The following CLASP1 variants were observed in gnomAD, a reference collection of about 807,000 sequenced individuals.
The protein encoded by CLASP1 is cytoplasmic linker associated protein 1.
In CLASP1, 38 loss-of-function variants were observed where a neutral mutation model predicts 192.3. The observed-to-expected ratio is 0.20, with a 90% CI of 0.15 to 0.26. CLASP1 has a LOEUF of 0.26. Ranked by LOEUF, CLASP1 falls within the 10% of genes least tolerant of loss-of-function variation. The probability of loss-of-function intolerance (pLI) is 1.00; values close to 1 mark genes in which losing one functional copy is unlikely to be tolerated. For missense variants in CLASP1, 1,433 were observed against 1,932.5 expected, an observed-to-expected ratio of 0.74 and a Z score of 4.85; for synonymous variants, 691 against 712.8, an observed-to-expected ratio of 0.97 and a Z score of 0.49.
chr2:121,478,256 G>A (rs968634548), intron 8 of CLASP1, among the ~76,000 whole-genome samples: 1 of 152,006 alleles, frequency 6.6e-6, no homozygotes, highest in African/African-American at 2.4e-5. Context: ...ACGCTTTCAT[G>A]CTAAAAACAC....
chr2:121,458,881 T>C, exon 13 of CLASP1: 1 of 1,612,340 alleles, frequency 6.2e-7, no homozygotes. Context: ...GATGTGGCCA[T>C]AATTTTGGCA....
At chr2:121,492,282 G>A (rs955178811) in intron 8 of CLASP1, among the ~76,000 whole-genome samples, 1 of 151,258 alleles carries the variant, frequency 6.6e-6, no homozygotes, top group Admixed American at 6.6e-5. Context: ...CCAGCTACCC[G>A]GGAGGCTGAG....
At chr2:121,593,391 G>C (rs56165047) in intron 2 of CLASP1, among the ~76,000 whole-genome samples, 1 of 151,872 alleles carries the variant, frequency 6.6e-6, no homozygotes, top group African/African-American at 2.4e-5. Flanking sequence ...AGGCCCAGGC[G>C]GGTGGATCAC....
At chr2:121,467,674 T>C (rs868375835) in intron 9 of CLASP1, among the ~76,000 whole-genome samples, 1 of 152,306 alleles carries the variant, frequency 6.6e-6, no homozygotes, top group Middle Eastern at 3.4e-3. Flanking sequence ...ATTTAAGTTC[T>C]TTGCAGATTC....
At chr2:121,365,588 ATGCC>A (rs2067248717) in intron 35 of CLASP1, among the ~76,000 whole-genome samples, 1 of 152,182 alleles carries the variant, frequency 6.6e-6, no homozygotes, top group Non-Finnish European at 1.5e-5. Flanking sequence ...AAGAGAAGAA[ATGCC>A]TGTATCCGCC....
intron 34 of CLASP1, among the ~76,000 whole-genome samples, chr2:121,368,596 C>T (rs952605237): frequency 3.3e-5 from 5 of 152,098 alleles, no homozygotes; most frequent in Non-Finnish European, 7.3e-5. Flanking sequence ...CTGGTCTAGC[C>T]CCTTTGTAGG....
intron 2 of CLASP1, among the ~76,000 whole-genome samples, chr2:121,581,681 T>C (rs1048483740): frequency 2.0e-5 from 3 of 152,154 alleles, no homozygotes; most frequent in Admixed American, 1.3e-4. Context: ...GCCGAGGAGT[T>C]TGAGACCAGC....
chr2:121,459,005 G>A (rs1456819307), intron 12 of CLASP1, 30 bp from the exon 13 acceptor site: 12 of 1,542,856 alleles, frequency 7.8e-6, no homozygotes, highest in Non-Finnish European at 1.0e-5. Flanking sequence ...CTGGACTATA[G>A]TTATTTTTCT....
chr2:121,625,461 G>A (rs893406204), intron 1 of CLASP1, among the ~76,000 whole-genome samples: 1 of 126,044 alleles, frequency 7.9e-6, no homozygotes, highest in Non-Finnish European at 1.6e-5. Flanking sequence ...TTGAGACGGA[G>A]TCTCGCTCTG....
chr2:121,638,931 A>T (rs1013131775), intron 1 of CLASP1, among the ~76,000 whole-genome samples: 7 of 152,094 alleles, frequency 4.6e-5, no homozygotes, highest in African/African-American at 1.7e-4. Context: ...GGCCTCCCCA[A>T]ATGCTGGGAT....
At chr2:121,448,899 A>G (rs2084891301) in intron 17 of CLASP1, 54 bp downstream of exon 17, 2 of 1,561,938 alleles carry the variant, frequency 1.3e-6, no homozygotes, top group East Asian at 4.5e-5. Flanking sequence ...TTCATGTGAC[A>G]AACTTTTAAA....
intron 8 of CLASP1, among the ~76,000 whole-genome samples, chr2:121,499,291 CATT>C (rs1409487237): frequency 6.6e-6 from 1 of 152,074 alleles, no homozygotes; most frequent in Non-Finnish European, 1.5e-5. Flanking sequence ...ACCTTGAAAA[CATT>C]ATGCTAAGTG....
At chr2:121,357,590 G>A (rs887025334) in intron 37 of CLASP1, among the ~76,000 whole-genome samples, 9 of 152,120 alleles carry the variant, frequency 5.9e-5, no homozygotes, top group Non-Finnish European at 1.0e-4. Flanking sequence ...GAACTAAAGG[G>A]CAGGTGTCAC....
At chr2:121,397,002 A>C in intron 30 of CLASP1, 138 bp downstream of exon 31, 2 of 749,826 alleles carry the variant, frequency 2.7e-6, no homozygotes, top group Non-Finnish European at 4.4e-6. Context: ...GCAGAGCTGG[A>C]GAGAGAAAAG....
rs114271655 is a variant in CLASP1 at position 121,525,136 on chromosome 2, T to C, written c.546+709A>G. Among the ~76,000 whole-genome samples, 750 of 152,330 alleles carry C rather than the reference T, an allele frequency of 4.9e-3. 9 individuals are homozygous for C. The highest frequency in any genetic ancestry group is 0.017 in the African/African-American group (727 of 41,584). ...TTCTGTCCCTTCTTCTAATGAAGTA[T>C]CATTCTTATCAGTTTGTATGAGATG... On this transcript the variant is annotated intron_variant, in intron 6 of 39. Coordinates refer to ENST00000263710, the Ensembl canonical transcript of CLASP1.
chr2:121,577,588 T>C (rs2060649030), intron 2 of CLASP1, among the ~76,000 whole-genome samples: 1 of 152,164 alleles, frequency 6.6e-6, no homozygotes, highest in Admixed American at 6.5e-5. Flanking sequence ...GGCAAGTTAT[T>C]TTCCTCACTG....
intron 1 of CLASP1, among the ~76,000 whole-genome samples, chr2:121,619,175 TCAC>T (rs766131189): frequency 1.3e-5 from 2 of 152,102 alleles, no homozygotes; most frequent in African/African-American, 2.4e-5. Flanking sequence ...AGGTTCAAGC[TCAC>T]CACATTACAT....
chr2:121,617,564 C>G (rs13008700), intron 1 of CLASP1, among the ~76,000 whole-genome samples: 2,558 of 152,316 alleles, frequency 0.017, 24 homozygotes, highest in Non-Finnish European at 0.027. Flanking sequence ...CCAGTGACAG[C>G]CATGTTGGCA....
chr2:121,601,272 ATTTT>A (rs1049615967), intron 2 of CLASP1, among the ~76,000 whole-genome samples: 1 of 138,414 alleles, frequency 7.2e-6, no homozygotes, highest in African/African-American at 2.7e-5. Flanking sequence ...AGCGTTCAGC[ATTTT>A]TTTTTTTTTT....
Sources: gnomAD v4.1 joint callset for allele counts (sites outside exome capture counted in the v4.1 genomes callset) on GRCh38, gnomAD v4.1.1 for gene constraint, MANE v1.5 for transcripts, NCBI Gene and HGNC (gene_info 2026-07-23, HGNC 2026-07-21) for gene names.